GPC3: variants seen among roughly 807,000 people sequenced by gnomAD.
The protein encoded by GPC3 is glypican-3.
Under a neutral mutation model 34.4 loss-of-function variants are expected in GPC3, and 3 were observed. That is an observed-to-expected ratio of 0.09 (90% CI 0.04 to 0.23). The LOEUF is 0.23. Among genes scored for constraint, GPC3 ranks in the 10% least tolerant of loss-of-function variants. The probability of loss-of-function intolerance (pLI) is 1.00; values close to 1 mark genes in which losing one functional copy is unlikely to be tolerated. For missense variants in GPC3, 351 were observed against 445.6 expected, an observed-to-expected ratio of 0.79 and a Z score of 1.91; for synonymous variants, 177 against 174.0, an observed-to-expected ratio of 1.02 and a Z score of -0.13.
At position 133,645,735 on chromosome X, in the gene GPC3, C is replaced by T. The variant is rs144942675; in HGVS notation, c.1413+15995G>A. ...CTTGGTCTTGATCACTGTCTTTCTCCAGGTCATTTCTTCTATTACTTTCCC... is the reference window on the plus strand; with the variant it reads ...CTTGGTCTTGATCACTGTCTTTCTCTAGGTCATTTCTTCTATTACTTTCCC... On this transcript the variant is annotated intron_variant, in intron 6 of 7. Transcript: ENST00000370818. 6.2e-3 allele frequency among the ~76,000 whole-genome samples: 695 copies of T among 111,303 alleles called. 6 individuals carry two copies. The highest frequency in any genetic ancestry group is 0.022 in the African/African-American group (661 of 30,583).
intron 6 of GPC3, among the ~76,000 whole-genome samples, chrX:133,621,291 C>A (rs1412466757): frequency 9.0e-6 from 1 of 111,728 alleles, no homozygotes; most frequent in Admixed American, 9.5e-5. Context: ...CCGGGTTCAT[C>A]TCACTGGGGC....
rs765608475 is a variant in GPC3 at position 133,871,618 on chromosome X, C to G, written c.337+81432G>C. Among the ~76,000 whole-genome samples the G allele has an allele frequency of 1.9e-4, 21 of 112,065 alleles. No individual in the cohort carries two copies. In the South Asian group the frequency reaches 7.4e-3, roughly 39 times the overall value. ...GAATTTCCCTTTAAAAATGTAAAAGCCATTATTTAAAAATACCAGGCAAGA... is the reference window on the plus strand; with the variant it reads ...GAATTTCCCTTTAAAAATGTAAAAGGCATTATTTAAAAATACCAGGCAAGA... On this transcript the variant is annotated intron_variant, in intron 2 of 7. Coordinates refer to ENST00000370818, the MANE Select transcript of GPC3 (RefSeq NM_004484.4).
intron 2 of GPC3, among the ~76,000 whole-genome samples, chrX:133,796,497 A>G (rs887174270): frequency 8.9e-6 from 1 of 111,807 alleles, no homozygotes; most frequent in Admixed American, 9.5e-5. Context: ...GTAATTAGAA[A>G]TTGGGTATAC....
intron 1 of GPC3, among the ~76,000 whole-genome samples, chrX:133,984,166 T>G (rs987713045): frequency 8.8e-6 from 1 of 113,485 alleles, no homozygotes; most frequent in African/African-American, 3.2e-5. Context: ...CCCCGATCCC[T>G]CGGAAGCGCG....
intron 2 of GPC3, among the ~76,000 whole-genome samples, chrX:133,767,966 G>C (rs1423325003): frequency 9.1e-6 from 1 of 109,469 alleles, no homozygotes; most frequent in Non-Finnish European, 1.9e-5. Context: ...TGGCGGGGTG[G>C]GGGGGTAAAT....
chrX:133,899,984 G>C (rs767504102), intron 2 of GPC3, among the ~76,000 whole-genome samples: 2 of 111,171 alleles, frequency 1.8e-5, no homozygotes, highest in Admixed American at 1.9e-4. Context: ...TGTCTTTTTA[G>C]TAGAGACAGG....
intron 6 of GPC3, among the ~76,000 whole-genome samples, chrX:133,626,929 T>C (rs2070304938): frequency 9.3e-6 from 1 of 108,041 alleles, no homozygotes; most frequent in African/African-American, 3.4e-5. Context: ...TGTCCAACAA[T>C]GATAGACTGG....
intron 2 of GPC3, among the ~76,000 whole-genome samples, chrX:133,835,224 G>A (rs946297771): frequency 8.9e-6 from 1 of 112,121 alleles, no homozygotes; most frequent in Non-Finnish European, 1.9e-5. Flanking sequence ...CTTGATGGTT[G>A]TCAGTATCTG....
At chrX:133,879,386 T>C (rs1174901244) in intron 2 of GPC3, among the ~76,000 whole-genome samples, 1 of 111,464 alleles carries the variant, frequency 9.0e-6, no homozygotes, top group Non-Finnish European at 1.9e-5. Flanking sequence ...ACTAACTCTG[T>C]AACATCTAAA....
In GPC3 at chrX:133,835,273, T is replaced by C. The variant is rs759459753; in HGVS notation, c.338-81097A>G. Among the ~76,000 whole-genome samples the C allele has an allele frequency of 2.3e-4, 26 of 112,253 alleles. No individual in the cohort carries two copies. The East Asian group carries it at 4.5e-3, about 19-fold the overall frequency. ...GAGATTTGATATTCATAGCTGATAG[T>C]TTTGATTTTGGTATAATTAAATAGT... On this transcript the variant is annotated intron_variant, in intron 2 of 7. Transcript: ENST00000370818.
intron 2 of GPC3, among the ~76,000 whole-genome samples, chrX:133,950,606 T>TG (rs1476053869): frequency 8.9e-6 from 1 of 112,264 alleles, no homozygotes; most frequent in Non-Finnish European, 1.9e-5. Context: ...ACCAGAATAT[T>TG]GGGGAGGGGA....
At chrX:133,608,293 G>T (rs2070070602) in intron 6 of GPC3, among the ~76,000 whole-genome samples, 1 of 112,461 alleles carries the variant, frequency 8.9e-6, no homozygotes, top group Non-Finnish European at 1.9e-5. Flanking sequence ...AGTTTTTGTG[G>T]AAAGCCACAA....
rs1399408576 is a variant in GPC3 at position 133,596,525 on chromosome X, T to C, written c.1488A>G (p.Gly496=). The part of the protein sequence containing the change: ...KNLDEEGFES[G]DCGDDEDECI... ...ACTCATCTTCATCATCACCGCAGTC[T>C]CCACTTTCAAACCCTTCCTCATCCA... is the stretch of plus-strand genomic sequence containing the variant. Residue 496 remains glycine, a synonymous_variant, in exon 7 of 8, where the codon GGA becomes GGG. Coordinates refer to ENST00000370818, the MANE Select transcript of GPC3 (RefSeq NM_004484.4). 1 of 1,207,441 alleles carries C rather than the reference T, an allele frequency of 8.3e-7. No homozygotes were observed. Among genetic ancestry groups the C allele is most frequent in the East Asian group, 3.0e-5 (1 of 33,827 alleles).
intron 7 of GPC3, among the ~76,000 whole-genome samples, chrX:133,541,609 G>T (rs771126481): frequency 8.9e-6 from 1 of 111,923 alleles, no homozygotes; most frequent in South Asian, 3.7e-4. Context: ...CTCTCATTTC[G>T]CCTTCATGTC....
intron 1 of GPC3, among the ~76,000 whole-genome samples, chrX:133,979,306 T>C (rs931159425): frequency 8.9e-6 from 1 of 112,310 alleles, no homozygotes; most frequent in Non-Finnish European, 1.9e-5. Context: ...GGTCATAACA[T>C]TGACTTCCTT....
At chrX:133,779,874 C>T (rs1280532097) in intron 2 of GPC3, among the ~76,000 whole-genome samples, 1 of 111,740 alleles carries the variant, frequency 8.9e-6, no homozygotes, top group Non-Finnish European at 1.9e-5. Flanking sequence ...CAGGCACTCA[C>T]CACCTCATAA....
intron 6 of GPC3, among the ~76,000 whole-genome samples, chrX:133,607,378 A>C (rs1194826384): frequency 9.0e-6 from 1 of 111,463 alleles, no homozygotes; most frequent in Non-Finnish European, 1.9e-5. Context: ...TGAAAGAATG[A>C]ATGAACCAAT....
intron 2 of GPC3, among the ~76,000 whole-genome samples, chrX:133,787,796 A>G (rs1376913746): frequency 2.7e-5 from 3 of 110,764 alleles, no homozygotes; most frequent in Middle Eastern, 4.7e-3. Context: ...ATGTGAAAGT[A>G]GACCTACATG....
At chrX:133,936,348 T>C (rs1180793175) in intron 2 of GPC3, among the ~76,000 whole-genome samples, 1 of 110,334 alleles carries the variant, frequency 9.1e-6, no homozygotes, top group Non-Finnish European at 1.9e-5. Flanking sequence ...ATCCCCATTA[T>C]ATAGATGAAG....
Sources: allele counts gnomAD v4.1 joint callset (sites outside exome capture counted in the v4.1 genomes callset), GRCh38; gene constraint gnomAD v4.1.1; transcripts MANE v1.5; gene names NCBI Gene and HGNC (gene_info 2026-07-23, HGNC 2026-07-21).